The following VPS41 variants were observed in gnomAD, a reference collection of about 807,000 sequenced individuals.
VPS41 encodes vacuolar protein sorting-associated protein 41 homolog.
Under a neutral mutation model 130.9 loss-of-function variants are expected in VPS41, and 85 were observed. That is an observed-to-expected ratio of 0.65 (90% CI 0.55 to 0.78). The LOEUF is 0.78. VPS41 is among the 30% of genes least tolerant of loss of function. The pLI, the probability that VPS41 is intolerant of heterozygous loss-of-function variation, is 0.00. For synonymous variants in VPS41, 335 were observed against 332.9 expected, an observed-to-expected ratio of 1.01 and a Z score of -0.07; for missense variants, 874 against 1,018.7, an observed-to-expected ratio of 0.86 and a Z score of 1.93.
chr7:38,866,688 A>C (rs1786235965), intron 3 of VPS41, among the ~76,000 whole-genome samples: 1 of 152,230 alleles, frequency 6.6e-6, no homozygotes, highest in African/African-American at 2.4e-5. Context: ...AGGTGGTCAC[A>C]GAAATCCTGA....
Position 38,863,294 on chromosome 7 carries a change from A to G in VPS41, c.169-672T>C, listed in dbSNP as rs192414226. Among the ~76,000 whole-genome samples, 27 of 152,350 alleles carry G rather than the reference A, an allele frequency of 1.8e-4. No individual in the cohort carries two copies. The East Asian group carries it at 3.9e-3, about 22-fold the overall frequency. On this transcript the variant is annotated intron_variant, in intron 3 of 28. Coordinates refer to ENST00000310301, the MANE Select transcript of VPS41 (RefSeq NM_014396.4). ...TCTTTAATTCTCTGAACTAACCTTA[A>G]GTAAACCAGAAGAAACTTTAGGACT...
intron 4 of VPS41, among the ~76,000 whole-genome samples, chr7:38,843,564 C>G (rs974454170): frequency 6.6e-6 from 1 of 152,058 alleles, no homozygotes; most frequent in Non-Finnish European, 1.5e-5. Context: ...CGCCTGTAAT[C>G]CCGGCTACTC....
At chr7:38,800,380 G>A (rs574052194) in intron 7 of VPS41, among the ~76,000 whole-genome samples, 25 of 152,106 alleles carry the variant, frequency 1.6e-4, no homozygotes, top group South Asian at 4.1e-4. Flanking sequence ...CGATAAATGC[G>A]TGCTGAAATT....
chr7:38,735,677 G>A (rs1477767598), intron 25 of VPS41, among the ~76,000 whole-genome samples: 3 of 152,230 alleles, frequency 2.0e-5, no homozygotes, highest in African/African-American at 7.2e-5. Context: ...ACCAAATGGA[G>A]GCCCTGTTAG....
chr7:38,816,584 T>C (rs1008044550), intron 7 of VPS41, among the ~76,000 whole-genome samples: 2 of 152,172 alleles, frequency 1.3e-5, no homozygotes, highest in South Asian at 2.1e-4. Context: ...AGTATGGTGA[T>C]AGCATTTAGT....
intron 2 of VPS41, among the ~76,000 whole-genome samples, chr7:38,897,516 G>A (rs1787030306): frequency 6.6e-6 from 1 of 151,954 alleles, no homozygotes; most frequent in Non-Finnish European, 1.5e-5. Flanking sequence ...GTGGCGGCGG[G>A]CGCCTGTAGT....
intron 2 of VPS41, among the ~76,000 whole-genome samples, chr7:38,889,543 AC>A (rs1386102399): frequency 1.5e-5 from 2 of 134,440 alleles, no homozygotes; most frequent in Non-Finnish European, 3.4e-5. Context: ...GGTTAAAAAA[AC>A]AAAACAAAAC....
intron 9 of VPS41, 127 bp from the exon 10 acceptor site, chr7:38,789,994 T>C (rs1784507750): frequency 1.3e-6 from 1 of 792,212 alleles, no homozygotes; most frequent in African/African-American, 1.8e-5. Flanking sequence ...ATCTACCCTA[T>C]GACTTAAATG....
intron 1 of VPS41, among the ~76,000 whole-genome samples, chr7:38,899,196 T>C (rs1433799830): frequency 6.6e-6 from 1 of 152,170 alleles, no homozygotes; most frequent in African/African-American, 2.4e-5. Context: ...TCAAAGGCCA[T>C]GGGTAAAATG....
At chr7:38,759,132 C>T (rs1562575197) in intron 17 of VPS41, among the ~76,000 whole-genome samples, 1 of 152,178 alleles carries the variant, frequency 6.6e-6, no homozygotes, top group Admixed American at 6.5e-5. Flanking sequence ...GTTGACCAGT[C>T]GGAAGTACAG....
chr7:38,862,805 T>C (rs1189945335), intron 3 of VPS41, among the ~76,000 whole-genome samples, 183 bp from the exon 4 acceptor site: 2 of 152,204 alleles, frequency 1.3e-5, no homozygotes, highest in African/African-American at 4.8e-5. Flanking sequence ...CAGGGCCTAT[T>C]TTATTGTGAT....
chr7:38,793,941 T>A (rs1426362706), intron 9 of VPS41, among the ~76,000 whole-genome samples: 1 of 152,188 alleles, frequency 6.6e-6, no homozygotes, highest in South Asian at 2.1e-4. Context: ...CTTAATCATA[T>A]CTTTTGCTAA....
intron 9 of VPS41, among the ~76,000 whole-genome samples, chr7:38,793,281 G>A (rs1372840470): frequency 6.6e-6 from 1 of 152,112 alleles, no homozygotes; most frequent in Non-Finnish European, 1.5e-5. Context: ...AACGTTTGTT[G>A]GGCAAATGAA....
At position 38,821,958 on chromosome 7, in the gene VPS41, A is replaced by AT. The variant is rs565631393; in HGVS notation, c.322-694dup. Among the ~76,000 whole-genome samples the AT allele has an allele frequency of 4.9e-3, 734 of 151,176 alleles. 6 individuals carry two copies. Among genetic ancestry groups the AT allele is most frequent in the African/African-American group, 0.017 (693 of 41,298 alleles). ...TTTCATCCCTTAAAGGAAAGGGGAG[A>AT]TTTTTTTTTAGTGTCTCTCATATAT... On this transcript the variant is annotated intron_variant, in intron 5 of 28. Transcript: ENST00000310301.
chr7:38,798,770 G>A (rs754036918), intron 7 of VPS41, among the ~76,000 whole-genome samples: 6 of 152,104 alleles, frequency 3.9e-5, no homozygotes, highest in African/African-American at 1.4e-4. Context: ...ACACAGCATC[G>A]AATTCCTTTC....
intron 2 of VPS41, among the ~76,000 whole-genome samples, chr7:38,885,852 A>G (rs1786716875): frequency 6.6e-6 from 1 of 152,186 alleles, no homozygotes. Context: ...ATTTTTTTAA[A>G]AAAAGGAAAA....
At position 38,769,216 on chromosome 7, in the gene VPS41, A is replaced by G. The variant is rs544671681; in HGVS notation, c.1186-1618T>C. Among the ~76,000 whole-genome samples the G allele has an allele frequency of 5.9e-5, 9 of 152,280 alleles. No individual in the cohort carries two copies. In the East Asian group the frequency reaches 1.7e-3, roughly 29 times the overall value. On this transcript the variant is annotated intron_variant, in intron 14 of 28. Transcript: ENST00000310301. ...CTCCTCTCTCAGCTCCCATGAAATG[A>G]CCTTGCTCTGGCTGTTCCAAATCTA...
chr7:38,751,467 G>A (rs1000381417), intron 22 of VPS41, among the ~76,000 whole-genome samples: 1 of 152,146 alleles, frequency 6.6e-6, no homozygotes, highest in Admixed American at 6.6e-5. Context: ...TTTTGAAACA[G>A]CAGTCTCATA....
chr7:38,776,805 C>G, intron 10 of VPS41, 29 bp from the exon 11 acceptor site: 2 of 1,317,744 alleles, frequency 1.5e-6, no homozygotes, highest in Non-Finnish European at 2.2e-6. Context: ...CAGGAGTCAT[C>G]ATCAACAGGG....
Sources: allele counts gnomAD v4.1 joint callset (sites outside exome capture counted in the v4.1 genomes callset), GRCh38; gene constraint gnomAD v4.1.1; transcripts MANE v1.5; gene names NCBI Gene and HGNC (gene_info 2026-07-23, HGNC 2026-07-21).